The following BMPR1B variants were observed in gnomAD, a reference collection of about 807,000 sequenced individuals.
BMPR1B encodes the protein bone morphogenetic protein receptor type 1B.
Under a neutral mutation model 59.1 loss-of-function variants are expected in BMPR1B, and 12 were observed. The observed-to-expected ratio is 0.20, with a 90% CI of 0.13 to 0.33. The LOEUF (loss-of-function observed/expected upper bound fraction) is 0.33, where lower values mean the gene tolerates loss of function less well. BMPR1B is among the 10% of genes least tolerant of loss of function. The pLI is 1.00. For missense variants in BMPR1B, 550 were observed against 610.9 expected, an observed-to-expected ratio of 0.90 and a Z score of 1.05; for synonymous variants, 237 against 207.3, an observed-to-expected ratio of 1.14 and a Z score of -1.23.
intron 3 of BMPR1B, among the ~76,000 whole-genome samples, chr4:95,003,148 A>G (rs1722571792): frequency 6.6e-6 from 1 of 152,114 alleles, no homozygotes; most frequent in Non-Finnish European, 1.5e-5. Flanking sequence ...TATTTTCTCA[A>G]TATCTTTTGA....
At chr4:94,761,538 A>G (rs1467272864) in intron 1 of BMPR1B, among the ~76,000 whole-genome samples, 4 of 151,692 alleles carry the variant, frequency 2.6e-5, no homozygotes, top group Non-Finnish European at 5.9e-5. Context: ...TTCAGAGACT[A>G]CCAGTTTAAC....
At chr4:95,123,348 C>G (rs1013573866) in intron 6 of BMPR1B, among the ~76,000 whole-genome samples, 4 of 152,108 alleles carry the variant, frequency 2.6e-5, no homozygotes, top group Non-Finnish European at 5.9e-5. Context: ...TATAAGATGA[C>G]TTTATATACA....
chr4:95,123,934 T>A (rs1430444736), intron 7 of BMPR1B, 28 bp downstream of exon 7: 2 of 1,508,276 alleles, frequency 1.3e-6, no homozygotes. Flanking sequence ...AGATGCAAAA[T>A]TTTTAATTTA....
intron 3 of BMPR1B, among the ~76,000 whole-genome samples, chr4:95,046,611 A>G (rs1368053829): frequency 6.6e-6 from 1 of 152,186 alleles, no homozygotes; most frequent in Non-Finnish European, 1.5e-5. Flanking sequence ...TGTGAATGTC[A>G]TTAGTAAGAA....
chr4:94,893,366 A>G (rs997544213), intron 2 of BMPR1B, among the ~76,000 whole-genome samples: 1 of 151,982 alleles, frequency 6.6e-6, no homozygotes, highest in African/African-American at 2.4e-5. Context: ...TTTCTTAATG[A>G]GGCTTTACCT....
At chr4:95,128,113 TGGACTCAA>T in intron 8 of BMPR1B, among the ~76,000 whole-genome samples, 1 of 152,104 alleles carries the variant, frequency 6.6e-6, no homozygotes. Context: ...CTTGAACTCC[TGGACTCAA>T]GGGATCCTCC....
At chr4:95,130,109 T>C in intron 9 of BMPR1B, 55 bp downstream of exon 9, 1 of 1,572,260 alleles carries the variant, frequency 6.4e-7, no homozygotes, top group Non-Finnish European at 8.7e-7. Flanking sequence ...CCTCTGTCTT[T>C]CTGTTAACAT....
intron 3 of BMPR1B, among the ~76,000 whole-genome samples, chr4:95,024,803 C>CA (rs1724238348): frequency 6.6e-6 from 1 of 152,084 alleles, no homozygotes; most frequent in Admixed American, 6.6e-5. Context: ...AACTGAAACC[C>CA]AAAAAATGAA....
At chr4:94,800,780 G>A (rs1245550074) in intron 1 of BMPR1B, among the ~76,000 whole-genome samples, 1 of 152,252 alleles carries the variant, frequency 6.6e-6, no homozygotes, top group East Asian at 1.9e-4. Context: ...AAATTATTTG[G>A]TGATATTATT....
intron 10 of BMPR1B, among the ~76,000 whole-genome samples, chr4:95,133,439 A>T (rs1470657773): frequency 6.6e-6 from 1 of 152,180 alleles, no homozygotes; most frequent in Non-Finnish European, 1.5e-5. Flanking sequence ...GGCAAGATTT[A>T]TTCTGAAGAC....
chr4:95,093,396 A>G (rs1730135292), intron 3 of BMPR1B, among the ~76,000 whole-genome samples: 1 of 151,114 alleles, frequency 6.6e-6, no homozygotes. Context: ...AATTTTTATT[A>G]CTATCATAAT....
intron 2 of BMPR1B, among the ~76,000 whole-genome samples, chr4:94,971,851 A>T (rs1730804552): frequency 6.6e-6 from 1 of 151,852 alleles, no homozygotes; most frequent in Admixed American, 6.6e-5. Context: ...TCTCTCCTTA[A>T]ATTTTTCATG....
rs76055685 is a variant in BMPR1B at position 94,772,183 on chromosome 4, C to T, written c.-183+14115C>T. Among the ~76,000 whole-genome samples the T allele has an allele frequency of 3.0e-3, 459 of 152,306 alleles. 2 individuals carry two copies. The highest frequency in any genetic ancestry group is 0.011 in the African/African-American group (442 of 41,564). ...GAAATGACTGCAGCAGTTTTCCAGG[C>T]TGGTTTGCAGCCTGCCCATACTGTC... On this transcript the variant is annotated intron_variant, in intron 1 of 12. Transcript: ENST00000515059.
intron 1 of BMPR1B, among the ~76,000 whole-genome samples, chr4:94,853,568 AT>A (rs1317038404): frequency 2.0e-5 from 3 of 152,056 alleles, no homozygotes; most frequent in Non-Finnish European, 4.4e-5. Flanking sequence ...GGTAACTTTT[AT>A]TGTTTTTGGT....
rs1196116209 is a variant in BMPR1B at position 95,157,879 on chromosome 4, G to A, written c.*3206G>A. ...CATTTTTGAATTCCCCAAACAGAAA[G>A]CTTCTTAGAAAACATGCTGAGATTT... On this transcript the variant is annotated 3_prime_UTR_variant, in exon 13 of 13. Transcript: ENST00000515059. 6.6e-6 allele frequency: 1 copy of A among 152,122 alleles called. No homozygotes were observed. Among genetic ancestry groups the A allele is most frequent in the Non-Finnish European group, 1.5e-5 (1 of 68,000 alleles). 9.4% of individuals were successfully genotyped at this position (152,122 alleles called of 1,614,324 possible).
chr4:94,858,197 T>G (rs1346639733), intron 1 of BMPR1B, among the ~76,000 whole-genome samples: 2 of 152,030 alleles, frequency 1.3e-5, no homozygotes, highest in African/African-American at 4.8e-5. Context: ...TGATCTGCCC[T>G]CTTCGGCCTC....
chr4:94,880,307 T>C (rs116672025), intron 2 of BMPR1B, among the ~76,000 whole-genome samples: 172 of 152,190 alleles, frequency 1.1e-3, no homozygotes, highest in African/African-American at 3.7e-3. Context: ...ATTAAAATGA[T>C]ATATTTTTAT....
chr4:94,984,445 T>A (rs1215200623), intron 2 of BMPR1B, among the ~76,000 whole-genome samples: 2 of 152,166 alleles, frequency 1.3e-5, no homozygotes, highest in Non-Finnish European at 2.9e-5. Context: ...TAAGAATCCC[T>A]ATGTAGAGGC....
chr4:94,825,778 T>C (rs1018949698), intron 1 of BMPR1B, among the ~76,000 whole-genome samples: 2 of 152,122 alleles, frequency 1.3e-5, no homozygotes, highest in South Asian at 4.1e-4. Flanking sequence ...GGAAAGAAAA[T>C]GGATTGCATT....
Sources: allele counts gnomAD v4.1 joint callset (sites outside exome capture counted in the v4.1 genomes callset), GRCh38; gene constraint gnomAD v4.1.1; transcripts MANE v1.5; gene names NCBI Gene and HGNC (gene_info 2026-07-23, HGNC 2026-07-21).